The following OTUD7B variants were observed in gnomAD, a reference collection of about 807,000 sequenced individuals.
OTUD7B encodes the protein OTU deubiquitinase 7B, also known as OTU domain-containing protein 7B.
OTUD7B carries 34 observed loss-of-function variants against 82.2 expected under a neutral mutation model. That is an observed-to-expected ratio of 0.41 (90% CI 0.31 to 0.55). OTUD7B has a LOEUF of 0.55. OTUD7B is among the 20% of genes least tolerant of loss of function. The pLI is 0.20. For synonymous variants in OTUD7B, 398 were observed against 402.7 expected, an observed-to-expected ratio of 0.99 and a Z score of 0.14; for missense variants, 944 against 1,062.1, an observed-to-expected ratio of 0.89 and a Z score of 1.55.
intron 1 of OTUD7B, among the ~76,000 whole-genome samples, chr1:149,992,521 G>C (rs1651663044): frequency 8.9e-6 from 1 of 112,696 alleles, no homozygotes; most frequent in Non-Finnish European, 1.7e-5. Context: ...TGTCACCCAG[G>C]CTGGAGTGCA....
At chr1:150,008,743 G>C (rs1652828751) in intron 1 of OTUD7B, among the ~76,000 whole-genome samples, 1 of 152,212 alleles carries the variant, frequency 6.6e-6, no homozygotes, top group South Asian at 2.1e-4. Flanking sequence ...ATTATTGGCA[G>C]AAAGGTGGTG....
chr1:149,998,983 C>G, intron 1 of OTUD7B, among the ~76,000 whole-genome samples: 1 of 152,080 alleles, frequency 6.6e-6, no homozygotes, highest in Non-Finnish European at 1.5e-5. Flanking sequence ...TAACCATGTC[C>G]TATGTAACCC....
At chr1:149,946,238 C>CT (rs1553772057) in intron 11 of OTUD7B, among the ~76,000 whole-genome samples, 1 of 151,558 alleles carries the variant, frequency 6.6e-6, no homozygotes, top group African/African-American at 2.4e-5. Flanking sequence ...TGGCGGGCAC[C>CT]TGCAATCTCA....
At chr1:149,947,977 G>GTATT (rs1354344500) in intron 10 of OTUD7B, among the ~76,000 whole-genome samples, 1 of 151,972 alleles carries the variant, frequency 6.6e-6, no homozygotes, top group African/African-American at 2.4e-5. Context: ...TTTTTATCAC[G>GTATT]TATTTATTTA....
chr1:149,990,536 CTT>C (rs1651488067), intron 1 of OTUD7B, among the ~76,000 whole-genome samples: 1 of 152,144 alleles, frequency 6.6e-6, no homozygotes, highest in Non-Finnish European at 1.5e-5. Flanking sequence ...ATAAATATAA[CTT>C]ATATTTGTAT....
chr1:150,042,031 T>C, the OTUD7B span, among the ~76,000 whole-genome samples: 1 of 152,026 alleles, frequency 6.6e-6, no homozygotes, highest in Non-Finnish European at 1.5e-5. Context: ...AACCCAAGAA[T>C]TCTTTCTTTC....
the OTUD7B span, among the ~76,000 whole-genome samples, chr1:150,030,022 T>C: frequency 6.6e-6 from 1 of 152,224 alleles, no homozygotes; most frequent in African/African-American, 2.4e-5. Flanking sequence ...ACTCCTAATG[T>C]TGGATCAGTC....
intron 1 of OTUD7B, among the ~76,000 whole-genome samples, chr1:150,001,167 A>G (rs2101927765): frequency 6.6e-6 from 1 of 152,338 alleles, no homozygotes; most frequent in Non-Finnish European, 1.5e-5. Context: ...GGAGTAAGAC[A>G]TCTAACAAAT....
At chr1:149,955,134 AG>A (rs1264386742) in intron 7 of OTUD7B, among the ~76,000 whole-genome samples, 1 of 152,106 alleles carries the variant, frequency 6.6e-6, no homozygotes, top group African/African-American at 2.4e-5. Flanking sequence ...TTGTGATGTT[AG>A]GGTGTCAATT....
intron 11 of OTUD7B, among the ~76,000 whole-genome samples, chr1:149,946,300 T>C (rs1571586256): frequency 6.6e-6 from 1 of 151,440 alleles, no homozygotes; most frequent in African/African-American, 2.4e-5. Context: ...GAGGTGGAGG[T>C]TGCAGTGAGC....
At chr1:150,065,933 T>C in the OTUD7B span, among the ~76,000 whole-genome samples, 2 of 151,300 alleles carry the variant, frequency 1.3e-5, no homozygotes, top group South Asian at 4.1e-4. Context: ...TGGAATGAGT[T>C]AGTAAGTGTC....
chr1:150,023,546 C>G, the OTUD7B span, among the ~76,000 whole-genome samples: 1 of 152,054 alleles, frequency 6.6e-6, no homozygotes, highest in African/African-American at 2.4e-5. Context: ...AAGACAGATA[C>G]CGTATAATCT....
At chr1:150,028,881 CT>C in the OTUD7B span, among the ~76,000 whole-genome samples, 1 of 152,070 alleles carries the variant, frequency 6.6e-6, no homozygotes, top group Non-Finnish European at 1.5e-5. Flanking sequence ...TAGTATTTGT[CT>C]TTTTTTGTGA....
At chr1:149,952,051 T>A (rs1462340045) in intron 7 of OTUD7B, among the ~76,000 whole-genome samples, 147,755 of 150,500 alleles carry the variant, frequency 0.98, 72,505 homozygotes, top group East Asian at 1. Flanking sequence ...GCTCCTGCAC[T>A]AATTTTTTTT....
At chr1:150,061,581 A>C in the OTUD7B span, among the ~76,000 whole-genome samples, 2 of 152,166 alleles carry the variant, frequency 1.3e-5, no homozygotes, top group African/African-American at 4.8e-5. Flanking sequence ...TCATGACCGC[A>C]CATAGGAAAT....
chr1:150,035,238 G>C, the OTUD7B span, among the ~76,000 whole-genome samples: 2 of 151,924 alleles, frequency 1.3e-5, no homozygotes, highest in Non-Finnish European at 2.9e-5. Context: ...ACACTTGACA[G>C]CTTCCCAATA....
At chr1:149,967,065 C>T (rs957247268) in intron 4 of OTUD7B, among the ~76,000 whole-genome samples, 4 of 152,102 alleles carry the variant, frequency 2.6e-5, no homozygotes, top group Admixed American at 1.3e-4. Context: ...ATTCCTAGGC[C>T]TTTTCACATG....
intron 1 of OTUD7B, among the ~76,000 whole-genome samples, chr1:149,993,612 C>T (rs1651741733): frequency 6.6e-6 from 1 of 152,104 alleles, no homozygotes; most frequent in Non-Finnish European, 1.5e-5. Context: ...TCATGTGTTC[C>T]TCTCCAAGAA....
the OTUD7B span, among the ~76,000 whole-genome samples, chr1:150,049,992 G>A: frequency 6.6e-6 from 1 of 152,072 alleles, no homozygotes; most frequent in Non-Finnish European, 1.5e-5. Flanking sequence ...CAGGAAGGTA[G>A]CATGAGCCCA....
Sources: gnomAD v4.1 joint callset for allele counts (sites outside exome capture counted in the v4.1 genomes callset) on GRCh38, gnomAD v4.1.1 for gene constraint, MANE v1.5 for transcripts, NCBI Gene and HGNC (gene_info 2026-07-23, HGNC 2026-07-21) for gene names.